LRRN3: variants seen among roughly 807,000 people sequenced by gnomAD.
LRRN3 encodes the protein leucine-rich repeat neuronal protein 3.
In LRRN3, 15 loss-of-function variants were observed where a neutral mutation model predicts 40.1. That is an observed-to-expected ratio of 0.37 (90% CI 0.25 to 0.58). LRRN3 has a LOEUF of 0.58. Among genes scored for constraint, LRRN3 ranks in the 20% least tolerant of loss-of-function variants. The pLI is 0.72. For synonymous variants in LRRN3, 308 were observed against 297.2 expected (o/e 1.04, Z -0.37); for missense variants, 746 against 837.7 (o/e 0.89, Z 1.35).
intron 2 of LRRN3, among the ~76,000 whole-genome samples, chr7:111,121,435 TTC>T (rs1254301835): frequency 6.6e-6 from 1 of 152,168 alleles, no homozygotes; most frequent in Non-Finnish European, 1.5e-5. Flanking sequence ...GAACAGACAA[TTC>T]TCAAAAGAAG....
intron 2 of LRRN3, 43 bp from the exon 3 acceptor site, chr7:111,122,372 A>AT (rs1459253989): frequency 6.3e-6 from 1 of 157,984 alleles, no homozygotes; most frequent in East Asian, 1.9e-4. Flanking sequence ...TGTACTAATT[A>AT]TTGTTCTCTT....
At chr7:111,104,195 C>A (rs1798288109) in intron 2 of LRRN3, among the ~76,000 whole-genome samples, 1 of 151,598 alleles carries the variant, frequency 6.6e-6, no homozygotes, top group African/African-American at 2.4e-5. Context: ...TTACTATTCG[C>A]ATCTTGAGCC....
At chr7:111,107,471 T>C (rs1197996934) in intron 2 of LRRN3, among the ~76,000 whole-genome samples, 2 of 152,044 alleles carry the variant, frequency 1.3e-5, no homozygotes, top group Admixed American at 1.3e-4. Context: ...TGTATACTTA[T>C]ATTAAAGCCA....
At chr7:111,120,862 C>T (rs141360516) in intron 2 of LRRN3, among the ~76,000 whole-genome samples, 2 of 151,814 alleles carry the variant, frequency 1.3e-5, no homozygotes, top group East Asian at 1.9e-4. Context: ...CCTGTTGAAT[C>T]GCAATCTAAC....
chr7:111,096,581 C>T (rs1187534092), intron 1 of LRRN3, among the ~76,000 whole-genome samples: 2 of 151,262 alleles, frequency 1.3e-5, no homozygotes, highest in Non-Finnish European at 2.9e-5. Context: ...GTTGTTCTAC[C>T]TACTCATCCA....
At chr7:111,095,012 A>G (rs538890981) in intron 1 of LRRN3, among the ~76,000 whole-genome samples, 25 of 152,168 alleles carry the variant, frequency 1.6e-4, no homozygotes, top group African/African-American at 4.8e-4. Flanking sequence ...GCCATTTACT[A>G]TATTTGCATA....
intron 2 of LRRN3, among the ~76,000 whole-genome samples, chr7:111,111,599 A>C (rs966950549): frequency 2.6e-5 from 4 of 152,100 alleles, no homozygotes; most frequent in African/African-American, 7.2e-5. Context: ...TTATAAACAC[A>C]TTAAAGTAGA....
At chr7:111,100,138 T>G (rs1480466655) in intron 2 of LRRN3, among the ~76,000 whole-genome samples, 176 bp downstream of exon 2, 1 of 151,626 alleles carries the variant, frequency 6.6e-6, no homozygotes, top group Non-Finnish European at 1.5e-5. Context: ...TTCTTTTTTT[T>G]AAATTTCAAT....
chr7:111,108,777 T>G (rs142098165), intron 2 of LRRN3, among the ~76,000 whole-genome samples: 1 of 152,164 alleles, frequency 6.6e-6, no homozygotes, highest in Non-Finnish European at 1.5e-5. Context: ...CAATTCAGCA[T>G]TCACCAACAA....
intron 2 of LRRN3, among the ~76,000 whole-genome samples, chr7:111,113,021 T>C (rs1488128270): frequency 6.6e-6 from 1 of 152,198 alleles, no homozygotes; most frequent in Admixed American, 6.5e-5. Flanking sequence ...TTTTATTTAA[T>C]AGCAATGAGA....
In LRRN3 at chr7:111,124,106, G is replaced by A; in HGVS notation, c.1334G>A (p.Arg445Lys). Residue 445 changes from arginine (R) to lysine (K), a missense_variant, in exon 3 of 3, where the codon AGA becomes AAA. By Grantham distance (26) the Arg-to-Lys change is conservative. Coordinates refer to ENST00000308478, the MANE Select transcript of LRRN3 (RefSeq NM_001099658.2). ...GGGAGCTATGTTTCCTTTCACTGTA[G>A]AGCTACTGCAGAACCACAGCCTGAA... ...EAGSYVSFHCRATAEPQPEIY... is the reference protein window; with the variant it reads ...EAGSYVSFHCKATAEPQPEIY... The A allele has an allele frequency of 6.2e-7, 1 of 1,614,004 alleles. No homozygotes were observed. Among genetic ancestry groups the A allele is most frequent in the Non-Finnish European group, 8.5e-7 (1 of 1,179,978 alleles).
In LRRN3 at chr7:111,122,535, A is replaced by G; in HGVS notation, c.-238A>G. The stretch of plus-strand genomic sequence containing the variant: ...TACATACTCCACCTTCAAAAAGTAC[A>G]TCAATATTATATCATTAAGGAAATA... On this transcript the variant is annotated 5_prime_UTR_variant, in exon 3 of 3. Transcript: ENST00000308478. The G allele has an allele frequency of 2.0e-6, 1 of 491,896 alleles. No homozygotes were observed. Among genetic ancestry groups the G allele is most frequent in the Non-Finnish European group, 3.6e-6 (1 of 278,532 alleles). The allele number at this position is 491,896 out of a possible 1,614,324, so 30.5% of individuals were successfully genotyped here.
In LRRN3 at chr7:111,125,182, A is replaced by G; in HGVS notation, c.*283A>G. The stretch of plus-strand genomic sequence containing the variant: ...ACTTTTATGTCTGGACTACAGTTCA[A>G]GTGGACAAAAACATTTCTGTATTTT... On this transcript the variant is annotated 3_prime_UTR_variant, in exon 3 of 3. Transcript: ENST00000308478. 3.3e-6 allele frequency: 1 copy of G among 301,558 alleles called. No homozygotes were observed. The highest frequency in any genetic ancestry group is 6.7e-5 in the East Asian group (1 of 14,908). The allele number at this position is 301,558 out of a possible 1,614,324, so 18.7% of individuals were successfully genotyped here.
rs1797049209 is a variant in LRRN3 at position 111,093,219 on chromosome 7, C to CT, written c.-441+1716dup. 2.0e-5 allele frequency among the ~76,000 whole-genome samples: 3 copies of CT among 152,162 alleles called. 1 individual carries two copies. The highest frequency in any genetic ancestry group is 1.3e-4 in the Admixed American group (2 of 15,264). ...CCTGCTCAGAGAAAAATGAAAGGTG[C>CT]TGAAGCATCAGCTTGCAATATTGGC... On this transcript the variant is annotated intron_variant, in intron 1 of 2. Transcript: ENST00000308478.
intron 2 of LRRN3, among the ~76,000 whole-genome samples, chr7:111,113,726 C>T (rs924707542): frequency 1.3e-5 from 2 of 152,096 alleles, no homozygotes; most frequent in African/African-American, 4.8e-5. Context: ...ACACATTTCC[C>T]AAACCATTGT....
chr7:111,103,338 C>A (rs117388593), intron 2 of LRRN3, among the ~76,000 whole-genome samples: 2,756 of 151,614 alleles, frequency 0.018, 32 homozygotes, highest in Middle Eastern at 0.041. Context: ...TGGATTTTTT[C>A]AAATATTTGC....
chr7:111,091,980 G>T (rs932668298), intron 1 of LRRN3, among the ~76,000 whole-genome samples: 2 of 152,126 alleles, frequency 1.3e-5, no homozygotes, highest in Non-Finnish European at 2.9e-5. Context: ...TCTCTGTTTT[G>T]AAATCAACCC....
intron 2 of LRRN3, among the ~76,000 whole-genome samples, chr7:111,119,085 G>C (rs548182151): frequency 5.4e-4 from 82 of 152,216 alleles, no homozygotes; most frequent in African/African-American, 1.9e-3. Flanking sequence ...CAAACCTCTA[G>C]TTAACTTAAA....
chr7:111,113,451 C>T (rs1378256772), intron 2 of LRRN3, among the ~76,000 whole-genome samples: 1 of 151,866 alleles, frequency 6.6e-6, no homozygotes, highest in Non-Finnish European at 1.5e-5. Context: ...GTAGTGCTTG[C>T]AAGATCAGAA....
Sources: gnomAD v4.1 joint callset for allele counts (sites outside exome capture counted in the v4.1 genomes callset) on GRCh38, gnomAD v4.1.1 for gene constraint, MANE v1.5 for transcripts, NCBI Gene and HGNC (gene_info 2026-07-23, HGNC 2026-07-21) for gene names.